NKAIN3: variants seen among roughly 807,000 people sequenced by gnomAD.
NKAIN3 encodes the protein sodium/potassium-transporting ATPase subunit beta-1-interacting protein 3.
NKAIN3 carries 25 observed loss-of-function variants against 30.2 expected under a neutral mutation model. The ratio of observed to expected loss-of-function variants is 0.83; its 90% CI spans 0.60 to 1.16. The LOEUF (loss-of-function observed/expected upper bound fraction) is 1.16. NKAIN3 is among the 50% of genes most tolerant of loss of function. NKAIN3 has a pLI of 0.00. For missense variants in NKAIN3, 225 were observed against 254.1 expected, an observed-to-expected ratio of 0.89 and a Z score of 0.78; for synonymous variants, 91 against 89.6, an observed-to-expected ratio of 1.02 and a Z score of -0.09.
chr8:62,826,853 A>ATT (rs1819042026), intron 4 of NKAIN3, among the ~76,000 whole-genome samples: 8 of 152,358 alleles, frequency 5.3e-5, no homozygotes, highest in Admixed American at 3.3e-4. Context: ...ATTGTAATGA[A>ATT]CTATAGTCAT....
At chr8:62,832,208 A>G (rs1819216812) in intron 4 of NKAIN3, among the ~76,000 whole-genome samples, 1 of 151,562 alleles carries the variant, frequency 6.6e-6, no homozygotes, top group African/African-American at 2.4e-5. Flanking sequence ...GGAAATCCCT[A>G]AGGAAGTTCT....
At chr8:62,935,110 C>T (rs1822743589) in intron 5 of NKAIN3, among the ~76,000 whole-genome samples, 1 of 152,094 alleles carries the variant, frequency 6.6e-6, no homozygotes, top group Non-Finnish European at 1.5e-5. Context: ...AAATGTGGCA[C>T]ACTAATGAAT....
chr8:62,806,278 A>G (rs1447463446), intron 4 of NKAIN3, among the ~76,000 whole-genome samples: 1 of 152,198 alleles, frequency 6.6e-6, no homozygotes, highest in Non-Finnish European at 1.5e-5. Flanking sequence ...TAGAAATACC[A>G]TTTGACCCAG....
intron 1 of NKAIN3, among the ~76,000 whole-genome samples, chr8:62,439,978 G>T (rs147750031): frequency 6.6e-6 from 1 of 152,288 alleles, no homozygotes; most frequent in East Asian, 1.9e-4. Flanking sequence ...GTGTTTTCCT[G>T]TAGATGCTGA....
chr8:62,285,231 A>G (rs1055907326), intron 1 of NKAIN3, among the ~76,000 whole-genome samples: 2 of 152,206 alleles, frequency 1.3e-5, no homozygotes, highest in African/African-American at 4.8e-5. Context: ...TAAACTATTG[A>G]TCTGAAGTTG....
At chr8:62,856,560 A>G in intron 4 of NKAIN3, 1 of 783,482 alleles carries the variant, frequency 1.3e-6, no homozygotes, top group South Asian at 1.3e-5. Flanking sequence ...AGGCACTGTC[A>G]TTGCCATGGG....
intron 4 of NKAIN3, among the ~76,000 whole-genome samples, chr8:62,830,089 C>A (rs1819148042): frequency 6.6e-6 from 1 of 152,122 alleles, no homozygotes; most frequent in Non-Finnish European, 1.5e-5. Flanking sequence ...ATTTCAAACT[C>A]AAGAAGCTCA....
intron 1 of NKAIN3, among the ~76,000 whole-genome samples, chr8:62,371,629 G>A (rs1008951621): frequency 2.6e-5 from 4 of 151,696 alleles, no homozygotes; most frequent in African/African-American, 9.7e-5. Flanking sequence ...CTGGGTTTCT[G>A]TTTTGTAATA....
chr8:62,852,629 G>A (rs978227284), intron 4 of NKAIN3, among the ~76,000 whole-genome samples: 2 of 151,982 alleles, frequency 1.3e-5, no homozygotes, highest in Non-Finnish European at 2.9e-5. Context: ...CTTTGAATGT[G>A]TCCCAAAGAT....
intron 4 of NKAIN3, among the ~76,000 whole-genome samples, chr8:62,813,367 T>A (rs995621057): frequency 5.4e-5 from 8 of 147,242 alleles, no homozygotes; most frequent in Non-Finnish European, 1.2e-4. Context: ...GATTTTTTTT[T>A]ATCTCTGTGA....
chr8:62,648,739 C>G (rs375509745), intron 3 of NKAIN3, among the ~76,000 whole-genome samples: 1 of 152,156 alleles, frequency 6.6e-6, no homozygotes, highest in African/African-American at 2.4e-5. Flanking sequence ...CTTAGCCATT[C>G]TAGGGCTTAG....
At position 62,981,758 on chromosome 8, in the gene NKAIN3, A is replaced by G. The variant is rs1031541719; in HGVS notation, c.*16351A>G. The G allele has an allele frequency of 7.2e-5, 11 of 152,022 alleles. No individual in the cohort carries two copies. Among genetic ancestry groups the G allele is most frequent in the African/African-American group, 2.7e-4 (11 of 41,408 alleles). 9.4% of individuals were successfully genotyped at this position (152,022 alleles called of 1,614,324 possible). ...CAACAGAACTAAGGACCGAAAAAAA[A>G]AAAAAAAAGATCTCTATCCCAATAG... On this transcript the variant is annotated 3_prime_UTR_variant, in exon 7 of 7. Coordinates refer to ENST00000623646, the MANE Select transcript of NKAIN3 (RefSeq NM_001304533.3).
chr8:62,565,263 A>G (rs1221269013), intron 1 of NKAIN3, among the ~76,000 whole-genome samples: 1 of 152,030 alleles, frequency 6.6e-6, no homozygotes, highest in Non-Finnish European at 1.5e-5. Context: ...CTCCCTTTAT[A>G]AACATCATTT....
chr8:62,842,873 A>G (rs1291585393), intron 4 of NKAIN3, among the ~76,000 whole-genome samples: 5 of 152,116 alleles, frequency 3.3e-5, no homozygotes, highest in Non-Finnish European at 7.4e-5. Context: ...CAAAATGATT[A>G]AAGACTTAAA....
chr8:62,435,605 G>A (rs1463480818), intron 1 of NKAIN3, among the ~76,000 whole-genome samples: 2 of 152,120 alleles, frequency 1.3e-5, no homozygotes, highest in African/African-American at 4.8e-5. Flanking sequence ...ATTCATGCCT[G>A]TGAGCACGTA....
intron 4 of NKAIN3, among the ~76,000 whole-genome samples, chr8:62,829,795 A>T (rs980093947): frequency 2.6e-5 from 4 of 152,130 alleles, no homozygotes; most frequent in Non-Finnish European, 5.9e-5. Flanking sequence ...GCCATTTAAA[A>T]GCTATAACCA....
At chr8:62,364,828 CAAAAAAAAAA>C (rs58784999) in intron 1 of NKAIN3, among the ~76,000 whole-genome samples, 1 of 63,760 alleles carries the variant, frequency 1.6e-5, no homozygotes, top group East Asian at 4.9e-4. Flanking sequence ...GACTCCACTA[CAAAAAAAAAA>C]AAAAAAAAAA....
intron 1 of NKAIN3, among the ~76,000 whole-genome samples, chr8:62,380,224 G>T (rs905205606): frequency 6.6e-6 from 1 of 152,164 alleles, no homozygotes; most frequent in African/African-American, 2.4e-5. Context: ...TATGAGAAGA[G>T]TTTTAAATTA....
In NKAIN3 at chr8:62,577,478, GT is replaced by G. The variant is rs748208729; in HGVS notation, c.55-2050del. 9.5e-3 allele frequency among the ~76,000 whole-genome samples: 1,157 copies of G among 121,584 alleles called. 16 individuals carry two copies. The highest frequency in any genetic ancestry group is 0.032 in the African/African-American group (1,081 of 33,586). The allele number at this position is 121,584 out of a possible 152,430, so 79.8% of individuals were successfully genotyped here. A position where few individuals can be genotyped will look rare whatever the true frequency, so the allele number is the denominator to read the frequency against. ...GTGTTTTTTTGTTGTTTTTTTTTTG[GT>G]TTTTTTTTTTGTTTGTTTTTCTGAA... On this transcript the variant is annotated intron_variant, in intron 1 of 6. Coordinates refer to ENST00000623646, the MANE Select transcript of NKAIN3 (RefSeq NM_001304533.3).
Sources: gnomAD v4.1 joint callset for allele counts (sites outside exome capture counted in the v4.1 genomes callset) on GRCh38, gnomAD v4.1.1 for gene constraint, MANE v1.5 for transcripts, NCBI Gene and HGNC (gene_info 2026-07-23, HGNC 2026-07-21) for gene names.